Variants in ZNF69 observed in about 807,000 individuals in gnomAD.
ZNF69 encodes the protein ZNF3.
In ZNF69, 47 loss-of-function variants were observed where a neutral mutation model predicts 50.9. The ratio of observed to expected loss-of-function variants is 0.92; its 90% CI spans 0.73 to 1.18. The LOEUF (loss-of-function observed/expected upper bound fraction) is 1.18. Ranked by LOEUF, ZNF69 falls within the 50% of genes most tolerant of loss-of-function variation. The probability of loss-of-function intolerance (pLI) is 0.00; values close to 1 mark genes in which losing one functional copy is unlikely to be tolerated. For synonymous variants in ZNF69, 216 were observed against 223.1 expected, an observed-to-expected ratio of 0.97 and a Z score of 0.29; for missense variants, 717 against 675.1, an observed-to-expected ratio of 1.06 and a Z score of -0.69.
At chr19:11,947,619 T>C in the ZNF69 span, 4 of 1,511,746 alleles carry the variant, frequency 2.6e-6, no homozygotes, top group Non-Finnish European at 3.6e-6. Context: ...CTGCACAATC[T>C]TAGAATATGA....
rs760497968 is a variant in ZNF69 at position 11,904,991 on chromosome 19, A to G, written c.594A>G (p.Gly198=). 1.2e-6 allele frequency: 2 copies of G among 1,613,980 alleles called. No homozygotes were observed. Among genetic ancestry groups the G allele is most frequent in the South Asian group, 2.2e-5 (2 of 91,050 alleles). Residue 198 remains glycine, a synonymous_variant, in exon 4 of 4, where the codon GGA becomes GGG. Transcript: ENST00000429654. ...GEKPYACKEC[G]KTFISHSSIQ... ...AACCCTATGCTTGTAAAGAATGTGG[A>G]AAAACTTTTATTTCCCATTCAAGCA...
the ZNF69 span, among the ~76,000 whole-genome samples, chr19:11,958,744 G>T: frequency 1.1e-4 from 17 of 152,326 alleles, no homozygotes; most frequent in Middle Eastern, 3.4e-3. Context: ...CTATTGGAGT[G>T]TGGGTTTCCT....
At chr19:11,909,887 G>A (rs981396763), downstream of ZNF69, among the ~76,000 whole-genome samples, 2 of 151,046 alleles carry the variant, frequency 1.3e-5, no homozygotes, top group African/African-American at 4.9e-5. Context: ...AATTGTCCCT[G>A]TTTGCAGATG....
the ZNF69 span, chr19:11,946,892 C>T: frequency 1.8e-5 from 7 of 381,854 alleles, no homozygotes; most frequent in East Asian, 1.3e-4. Flanking sequence ...CCCAGCTACT[C>T]GGGAGGCTGA....
chr19:11,980,112 G>A, the ZNF69 span: 17 of 910,708 alleles, frequency 1.9e-5, no homozygotes, highest in South Asian at 8.3e-5. Context: ...TCACACCTTC[G>A]AAAACATGGT....
At chr19:11,889,935 T>A (rs1413326248) in intron 1 of ZNF69, among the ~76,000 whole-genome samples, 1 of 152,178 alleles carries the variant, frequency 6.6e-6, no homozygotes, top group African/African-American at 2.4e-5. Context: ...TGTGCCTGGA[T>A]GTGCAGGTAG....
chr19:11,946,995 T>A, the ZNF69 span: 8 of 1,049,628 alleles, frequency 7.6e-6, no homozygotes, highest in African/African-American at 1.7e-5. Context: ...TCTCAAAAAA[T>A]AAATAAATAA....
the ZNF69 span, among the ~76,000 whole-genome samples, chr19:11,971,276 G>A: frequency 2.6e-5 from 4 of 152,200 alleles, no homozygotes; most frequent in African/African-American, 9.6e-5. Context: ...ACAGAAAAGA[G>A]AGGAAGCTGG....
chr19:11,932,317 C>T, the ZNF69 span, among the ~76,000 whole-genome samples: 5 of 146,968 alleles, frequency 3.4e-5, 1 homozygote, highest in African/African-American at 1.3e-4. Context: ...ACACTCCAGC[C>T]TGGGTAACAG....
At chr19:11,935,084 G>C in the ZNF69 span, among the ~76,000 whole-genome samples, 2 of 143,306 alleles carry the variant, frequency 1.4e-5, no homozygotes, top group Non-Finnish European at 1.5e-5. Context: ...GCTGAGGCAG[G>C]AGAATGGCAT....
chr19:11,976,555 CAAA>C, the ZNF69 span, among the ~76,000 whole-genome samples: 11 of 73,820 alleles, frequency 1.5e-4, no homozygotes, highest in African/African-American at 3.9e-4. Context: ...GACTCTGTCT[CAAA>C]AAAAAAAAAA....
At chr19:11,932,083 A>G in the ZNF69 span, among the ~76,000 whole-genome samples, 4 of 147,450 alleles carry the variant, frequency 2.7e-5, no homozygotes, top group South Asian at 2.1e-4. Context: ...AGATCGTGCC[A>G]TTGCACTTCA....
downstream of ZNF69, among the ~76,000 whole-genome samples, chr19:11,910,436 A>G (rs1253109895): frequency 2.0e-5 from 3 of 152,366 alleles, no homozygotes; most frequent in Non-Finnish European, 4.4e-5. Flanking sequence ...ACAAGGCTAC[A>G]GTAACCAAAA....
chr19:11,905,752 C>A lies in ZNF69; in HGVS notation c.1355C>A (p.Ala452Asp). The A allele has an allele frequency of 6.2e-7, 1 of 1,613,458 alleles. No homozygotes were observed. Among genetic ancestry groups the A allele is most frequent in the Non-Finnish European group, 8.5e-7 (1 of 1,179,968 alleles). The change falls in exon 4 of 4, where the codon GCC becomes GAC. Residue 452 changes from alanine (A) to aspartate (D), a missense_variant. Physicochemically the swap from Ala to Asp is moderately radical, Grantham distance 126. Coordinates refer to ENST00000429654, the MANE Select transcript of ZNF69 (RefSeq NM_001364730.1). The part of the protein sequence containing the change: ...KPYECQECGK[A>D]FRSMKNLQSH... ...TATGAATGTCAGGAATGTGGGAAAG[C>A]CTTCAGATCTATGAAGAACCTTCAA... is the stretch of plus-strand genomic sequence containing the variant.
At chr19:11,922,483 T>C in the ZNF69 span, among the ~76,000 whole-genome samples, 1 of 152,210 alleles carries the variant, frequency 6.6e-6, no homozygotes, top group African/African-American at 2.4e-5. Context: ...ACCACAACAA[T>C]GGGATTCTAG....
chr19:11,890,016 G>A (rs962024518), intron 1 of ZNF69, among the ~76,000 whole-genome samples: 9 of 152,204 alleles, frequency 5.9e-5, no homozygotes, highest in Non-Finnish European at 1.3e-4. Context: ...ATTGCTGCCA[G>A]CATATCTTGC....
the ZNF69 span, among the ~76,000 whole-genome samples, chr19:11,929,657 T>G: frequency 2.6e-4 from 38 of 148,010 alleles, 9 homozygotes; most frequent in African/African-American, 9.0e-4. Context: ...TCAGTCTCAT[T>G]GCTTGTTATT....
the ZNF69 span, chr19:11,956,604 C>T: frequency 2.5e-6 from 1 of 398,554 alleles, no homozygotes; most frequent in Non-Finnish European, 4.4e-6. Context: ...ACCTGTAATC[C>T]CAGCACTTTG....
At chr19:11,921,548 G>A in the ZNF69 span, among the ~76,000 whole-genome samples, 1 of 151,824 alleles carries the variant, frequency 6.6e-6, no homozygotes, top group Non-Finnish European at 1.5e-5. Context: ...TGTCATCCAG[G>A]CTGGAGTGCA....
Sources: gnomAD v4.1 joint callset for allele counts (sites outside exome capture counted in the v4.1 genomes callset) on GRCh38, gnomAD v4.1.1 for gene constraint, MANE v1.5 for transcripts, NCBI Gene and HGNC (gene_info 2026-07-23, HGNC 2026-07-21) for gene names.